The following DRD3 variants were observed in gnomAD, a reference collection of about 807,000 sequenced individuals.
The protein encoded by DRD3 is dopamine receptor D3.
A neutral mutation model predicts 36.3 loss-of-function variants in DRD3; 19 were observed. That is an observed-to-expected ratio of 0.52 (90% CI 0.36 to 0.77). DRD3 has a LOEUF of 0.77. Among genes scored for constraint, DRD3 ranks in the 30% least tolerant of loss-of-function variants. DRD3 has a pLI of 0.00. For synonymous variants in DRD3, 195 were observed against 203.7 expected (o/e 0.96, Z 0.36); for missense variants, 465 against 505.3 (o/e 0.92, Z 0.77).
At chr3:114,196,709 T>C (rs932918219) in intron 1 of DRD3, among the ~76,000 whole-genome samples, 1 of 152,240 alleles carries the variant, frequency 6.6e-6, no homozygotes, top group Non-Finnish European at 1.5e-5. Flanking sequence ...GGTTTTAACT[T>C]GCGTTTCTCT....
At chr3:114,159,968 C>T (rs1268347521) in intron 2 of DRD3, 101 bp from the exon 3 acceptor site, 4 of 925,620 alleles carry the variant, frequency 4.3e-6, no homozygotes, top group Non-Finnish European at 6.8e-6. Context: ...TAGATGTTGG[C>T]ACTCCTACTC....
chr3:114,154,167 C>G (rs965970050), intron 3 of DRD3, among the ~76,000 whole-genome samples: 1 of 152,206 alleles, frequency 6.6e-6, no homozygotes, highest in African/African-American at 2.4e-5. Flanking sequence ...AATGAGATAA[C>G]TGTGATGCCC....
intron 1 of DRD3, among the ~76,000 whole-genome samples, chr3:114,197,158 G>T (rs1243264375): frequency 6.7e-6 from 1 of 149,572 alleles, no homozygotes; most frequent in Non-Finnish European, 1.5e-5. Context: ...TGTTGTCCAG[G>T]TGGAGTGCAG....
chr3:114,131,429 C>T, intron 5 of DRD3, 29 bp from the exon 6 acceptor site: 1 of 1,596,474 alleles, frequency 6.3e-7, no homozygotes, highest in Non-Finnish European at 8.6e-7. Flanking sequence ...GGAATCTTGA[C>T]ATTTCTGGGG....
At chr3:114,145,501 T>G (rs1017616283) in intron 4 of DRD3, among the ~76,000 whole-genome samples, 3 of 152,196 alleles carry the variant, frequency 2.0e-5, no homozygotes, top group Admixed American at 2.0e-4. Context: ...AAATATTTGT[T>G]GATAAGTTGG....
At chr3:114,153,046 T>A (rs996084892) in intron 3 of DRD3, among the ~76,000 whole-genome samples, 8 of 152,208 alleles carry the variant, frequency 5.3e-5, no homozygotes, top group African/African-American at 1.9e-4. Flanking sequence ...TGTGGATGAC[T>A]CCGCTGACCC....
At chr3:114,187,988 A>G (rs73856264) in intron 1 of DRD3, among the ~76,000 whole-genome samples, 8,342 of 152,136 alleles carry the variant, frequency 0.055, 773 homozygotes, top group African/African-American at 0.19. Context: ...GTGCCCTAGG[A>G]AGAGAAAAAG....
At chr3:114,133,419 GA>G (rs1257976418) in intron 5 of DRD3, among the ~76,000 whole-genome samples, 2 of 152,040 alleles carry the variant, frequency 1.3e-5, no homozygotes, top group Non-Finnish European at 2.9e-5. Flanking sequence ...AAATAAGACT[GA>G]CCACGAATTG....
At chr3:114,196,755 T>C (rs1389525244) in intron 1 of DRD3, among the ~76,000 whole-genome samples, 1 of 152,194 alleles carries the variant, frequency 6.6e-6, no homozygotes, top group Non-Finnish European at 1.5e-5. Flanking sequence ...TTCTTGTGCT[T>C]GTTTACCATC....
chr3:114,130,284 G>T (rs976571637), intron 6 of DRD3, among the ~76,000 whole-genome samples: 1 of 151,952 alleles, frequency 6.6e-6, no homozygotes, highest in Non-Finnish European at 1.5e-5. Context: ...AAAAAATCTT[G>T]ATTGTATGCA....
At chr3:114,191,419 G>A (rs1243078710) in intron 1 of DRD3, among the ~76,000 whole-genome samples, 1 of 152,186 alleles carries the variant, frequency 6.6e-6, no homozygotes, top group Non-Finnish European at 1.5e-5. Context: ...AACACGATTG[G>A]CACATTTGAA....
chr3:114,146,642 TG>T (rs2077572004), intron 4 of DRD3, among the ~76,000 whole-genome samples: 1 of 147,426 alleles, frequency 6.8e-6, no homozygotes, highest in Admixed American at 7.0e-5. Context: ...GAAGTTGCAG[TG>T]AGCCTAGATT....
intron 5 of DRD3, among the ~76,000 whole-genome samples, chr3:114,136,104 T>C (rs1374052808): frequency 6.6e-6 from 1 of 152,290 alleles, no homozygotes; most frequent in Middle Eastern, 3.4e-3. Flanking sequence ...TTCTTGGGAT[T>C]GCCTAAGAAA....
At chr3:114,156,884 T>A (rs1297652665) in intron 3 of DRD3, among the ~76,000 whole-genome samples, 1 of 146,614 alleles carries the variant, frequency 6.8e-6, no homozygotes, top group Non-Finnish European at 1.5e-5. Context: ...TCTTTCTCTT[T>A]CTTTTCTTCT....
chr3:114,199,270 C>T (rs1469808746), intron 1 of DRD3: 5 of 152,210 alleles, frequency 3.3e-5, no homozygotes, highest in African/African-American at 7.2e-5. Flanking sequence ...TTATTTGGCT[C>T]ACAGTTCTGG....
At chr3:114,138,775 G>T (rs1405754032) in intron 5 of DRD3, among the ~76,000 whole-genome samples, 1 of 152,170 alleles carries the variant, frequency 6.6e-6, no homozygotes, top group East Asian at 1.9e-4. Context: ...GAGTGGAGGG[G>T]TGCTTTATTT....
chr3:114,157,948 C>T (rs2077697579), intron 3 of DRD3, among the ~76,000 whole-genome samples: 1 of 151,926 alleles, frequency 6.6e-6, no homozygotes, highest in Admixed American at 6.6e-5. Flanking sequence ...ACTAAAAATG[C>T]AAAATTAGCC....
At chr3:114,174,343 T>A (rs2077876974) in intron 1 of DRD3, among the ~76,000 whole-genome samples, 1 of 152,126 alleles carries the variant, frequency 6.6e-6, no homozygotes, top group Non-Finnish European at 1.5e-5. Flanking sequence ...CTGCAACTGG[T>A]GAATAATGTC....
intron 5 of DRD3, among the ~76,000 whole-genome samples, 162 bp from the exon 6 acceptor site, chr3:114,131,562 A>C (rs2077431286): frequency 6.6e-6 from 1 of 152,252 alleles, no homozygotes; most frequent in African/African-American, 2.4e-5. Context: ...ATGAGAAGTT[A>C]AGGGAAATGA....
Sources: allele counts gnomAD v4.1 joint callset (sites outside exome capture counted in the v4.1 genomes callset), GRCh38; gene constraint gnomAD v4.1.1; transcripts MANE v1.5; gene names NCBI Gene and HGNC (gene_info 2026-07-23, HGNC 2026-07-21).